The following PHACTR1 variants were observed in gnomAD, a reference collection of about 807,000 sequenced individuals.
The protein encoded by PHACTR1 is RPEL repeat containing 1.
In PHACTR1, 16 loss-of-function variants were observed where a neutral mutation model predicts 69.2. That is an observed-to-expected ratio of 0.23 (90% CI 0.16 to 0.35). The LOEUF (loss-of-function observed/expected upper bound fraction) is 0.35, where lower values mean the gene tolerates loss of function less well. Ranked by LOEUF, PHACTR1 falls within the 10% of genes least tolerant of loss-of-function variation. The pLI is 1.00. For synonymous variants in PHACTR1, 312 were observed against 284.5 expected (o/e 1.10, Z -0.97); for missense variants, 510 against 734.7 (o/e 0.69, Z 3.54).
rs1780632487 is a variant in PHACTR1, at chr6:13,283,007, TATG to T, written c.1510-411_1510-409del. On this transcript the variant is annotated intron_variant, in intron 12 of 14. Coordinates refer to ENST00000332995, the MANE Select transcript of PHACTR1 (RefSeq NM_030948.6). The surrounding 1 kb of genome is among the most constrained non-coding windows in gnomAD (Gnocchi z 4.7). ...ACTGAAATATACACAGATAAAATGA[TATG>T]ATGCCTGTGATTTGTTTCAAAGCAA... is the stretch of plus-strand genomic sequence containing the variant. Among the ~76,000 whole-genome samples the T allele has an allele frequency of 1.3e-5, 2 of 152,218 alleles. No homozygotes were observed. Among genetic ancestry groups the T allele is most frequent in the Admixed American group, 6.5e-5 (1 of 15,284 alleles).
Position 12,725,687 on chromosome 6 carries a change from G to C in PHACTR1, c.103+6840G>C, listed in dbSNP as rs116023714. Among the ~76,000 whole-genome samples, 885 of 152,302 alleles carry C rather than the reference G, an allele frequency of 5.8e-3. 10 individuals are homozygous for C. Among genetic ancestry groups the C allele is most frequent in the African/African-American group, 0.02 (836 of 41,574 alleles). On this transcript the variant is annotated intron_variant, in intron 3 of 14. Transcript: ENST00000332995. ...GTACCTTGTCTATTGTTATTGATTA[G>C]TTATTGATACTCTTGTTTTACGATT...
At chr6:13,269,498 A>T (rs4464796) in intron 10 of PHACTR1, among the ~76,000 whole-genome samples, 8,586 of 152,246 alleles carry the variant, frequency 0.056, 413 homozygotes, top group African/African-American at 0.13. Context: ...GCCCTTGTCA[A>T]TGGGGATGAA....
rs1583524374 is a variant in PHACTR1 at position 13,135,691 on chromosome 6, T to A, written c.416-24513T>A. On this transcript the variant is annotated intron_variant, in intron 5 of 14. Coordinates refer to ENST00000332995, the MANE Select transcript of PHACTR1 (RefSeq NM_030948.6). ...GACAGAGATAAAGACAGAAAGAGAC[T>A]AATGTGGAAAACACATTTTAATTTT... is the stretch of plus-strand genomic sequence containing the variant. 3.9e-5 allele frequency among the ~76,000 whole-genome samples: 6 copies of A among 152,200 alleles called. No homozygotes were observed. The Middle Eastern group carries it at 0.017, about 431-fold the overall frequency.
intron 4 of PHACTR1, among the ~76,000 whole-genome samples, chr6:12,879,363 T>C (rs1782851777): frequency 6.7e-6 from 1 of 149,112 alleles, no homozygotes; most frequent in African/African-American, 2.6e-5. Flanking sequence ...ACCACTCAAC[T>C]CTTTTAAATG....
chr6:12,873,180 T>C (rs541433567), intron 4 of PHACTR1, among the ~76,000 whole-genome samples: 1 of 152,138 alleles, frequency 6.6e-6, no homozygotes, highest in African/African-American at 2.4e-5. Context: ...CCCAGCTAAC[T>C]TTTTAAAAAA....
intron 4 of PHACTR1, among the ~76,000 whole-genome samples, chr6:12,790,912 G>C (rs1193158115): frequency 6.6e-6 from 1 of 152,112 alleles, no homozygotes; most frequent in Non-Finnish European, 1.5e-5. Flanking sequence ...GTCAAGATTG[G>C]ATCAAATGGG....
intron 4 of PHACTR1, among the ~76,000 whole-genome samples, chr6:13,051,999 T>C (rs1162198083): frequency 6.6e-6 from 1 of 152,190 alleles, no homozygotes; most frequent in Non-Finnish European, 1.5e-5. Flanking sequence ...CCCCTAAACC[T>C]GTGTCCTCGC....
intron 5 of PHACTR1, among the ~76,000 whole-genome samples, chr6:13,065,616 T>C (rs1418711676): frequency 6.6e-6 from 1 of 151,848 alleles, no homozygotes; most frequent in Non-Finnish European, 1.5e-5. Context: ...GAGAAATATA[T>C]AGCAAACAAC....
At chr6:12,922,289 C>G (rs1463177258) in intron 4 of PHACTR1, among the ~76,000 whole-genome samples, 2 of 152,126 alleles carry the variant, frequency 1.3e-5, no homozygotes, top group African/African-American at 4.8e-5. Context: ...ATAATTGTGA[C>G]TGAAGTATTG....
At chr6:12,959,405 C>T (rs1450548098) in intron 4 of PHACTR1, among the ~76,000 whole-genome samples, 1 of 151,860 alleles carries the variant, frequency 6.6e-6, no homozygotes, top group Non-Finnish European at 1.5e-5. Flanking sequence ...TCACTCCCAT[C>T]TCTTCTGATG....
rs186059491 is a variant in PHACTR1, at chr6:12,881,399, G to A, written c.250+131609G>A. ...GGGACAATGGTGATAGCTAGGAGGC[G>A]AGTGGAGATAAGAAGAGCTCTTTAA... On this transcript the variant is annotated intron_variant, in intron 4 of 14. Transcript: ENST00000332995. 7.0e-4 allele frequency among the ~76,000 whole-genome samples: 107 copies of A among 152,250 alleles called. 1 individual carries two copies. Among genetic ancestry groups the A allele is most frequent in the African/African-American group, 1.5e-3 (64 of 41,536 alleles).
chr6:12,777,074 CTA>C (rs1336179082), intron 4 of PHACTR1, among the ~76,000 whole-genome samples: 1 of 152,070 alleles, frequency 6.6e-6, no homozygotes, highest in Non-Finnish European at 1.5e-5. Context: ...CCCATAGCAT[CTA>C]TGTTTAATAT....
intron 5 of PHACTR1, 111 bp downstream of exon 5, chr6:13,053,640 C>G: frequency 7.6e-7 from 1 of 1,321,088 alleles, no homozygotes; most frequent in Non-Finnish European, 1.0e-6. Context: ...GAAAAAATAT[C>G]AAGCCTTGGA....
chr6:13,140,500 C>T (rs1583546275), intron 5 of PHACTR1, among the ~76,000 whole-genome samples: 1 of 152,064 alleles, frequency 6.6e-6, no homozygotes, highest in Non-Finnish European at 1.5e-5. Context: ...GGATGACCCT[C>T]GAGGACATTG....
chr6:12,821,131 G>A (rs1776153727), intron 4 of PHACTR1, among the ~76,000 whole-genome samples: 1 of 152,120 alleles, frequency 6.6e-6, no homozygotes, highest in Admixed American at 6.6e-5. Flanking sequence ...ATGTATTTGT[G>A]TCTTCAATAC....
At chr6:12,722,836 C>T (rs561530758) in intron 3 of PHACTR1, among the ~76,000 whole-genome samples, 8 of 152,232 alleles carry the variant, frequency 5.3e-5, no homozygotes, top group Non-Finnish European at 7.3e-5. Context: ...ACTAGTGAGT[C>T]GTTTGCCAAT....
chr6:13,040,062 T>C (rs769638223), intron 4 of PHACTR1, among the ~76,000 whole-genome samples: 2 of 152,244 alleles, frequency 1.3e-5, no homozygotes, highest in Non-Finnish European at 2.9e-5. Context: ...CACAGTACTT[T>C]GCATCTTAGG....
At chr6:13,152,893 A>G (rs759590476) in intron 5 of PHACTR1, among the ~76,000 whole-genome samples, 1 of 152,164 alleles carries the variant, frequency 6.6e-6, no homozygotes, top group Non-Finnish European at 1.5e-5. Context: ...AGGAACAGGC[A>G]AGACAGAATA....
chr6:12,783,030 G>T (rs549015304), intron 4 of PHACTR1, among the ~76,000 whole-genome samples: 1 of 152,274 alleles, frequency 6.6e-6, no homozygotes, highest in East Asian at 1.9e-4. Flanking sequence ...TAGTTTAATC[G>T]TGATTTAAGC....
Sources: allele counts gnomAD v4.1 joint callset (sites outside exome capture counted in the v4.1 genomes callset), GRCh38; gene constraint gnomAD v4.1.1; non-coding constraint Gnocchi (gnomAD v3.1); transcripts MANE v1.5; gene names NCBI Gene and HGNC (gene_info 2026-07-23, HGNC 2026-07-21).